The following NLGN1 variants were observed in gnomAD, a reference collection of about 807,000 sequenced individuals.
NLGN1 encodes the protein neuroligin 1.
Under a neutral mutation model 65.5 loss-of-function variants are expected in NLGN1, and 12 were observed. The ratio of observed to expected loss-of-function variants is 0.18; its 90% CI spans 0.12 to 0.30. NLGN1 has a LOEUF of 0.30. NLGN1 is among the 10% of genes least tolerant of loss of function. The pLI, the probability that NLGN1 is intolerant of heterozygous loss-of-function variation, is 1.00. For synonymous variants in NLGN1, 350 were observed against 359.5 expected (o/e 0.97, Z 0.30); for missense variants, 750 against 1,007.1 (o/e 0.74, Z 3.46).
intron 4 of NLGN1, among the ~76,000 whole-genome samples, chr3:173,951,740 C>T (rs1748256209): frequency 1.3e-5 from 2 of 152,142 alleles, no homozygotes; most frequent in African/African-American, 4.8e-5. Context: ...GGATTACAGC[C>T]ATGAGCCACT....
chr3:173,399,077 T>C (rs1386507974), intron 1 of NLGN1, among the ~76,000 whole-genome samples: 2 of 152,246 alleles, frequency 1.3e-5, no homozygotes, highest in Non-Finnish European at 2.9e-5. Context: ...ATTTAAAATA[T>C]TAAATGTTAA....
At chr3:174,152,583 C>T (rs1411685728) in intron 4 of NLGN1, among the ~76,000 whole-genome samples, 1 of 151,862 alleles carries the variant, frequency 6.6e-6, no homozygotes, top group African/African-American at 2.4e-5. Flanking sequence ...CAACATGGCA[C>T]ATGTATACAT....
intron 3 of NLGN1, among the ~76,000 whole-genome samples, chr3:173,638,792 T>C (rs1292163520): frequency 6.6e-6 from 1 of 152,218 alleles, no homozygotes; most frequent in East Asian, 1.9e-4. Context: ...AAGTTCATTG[T>C]GAGATGTGTC....
At chr3:173,464,545 C>T (rs1723984245) in intron 2 of NLGN1, among the ~76,000 whole-genome samples, 2 of 151,212 alleles carry the variant, frequency 1.3e-5, no homozygotes, top group South Asian at 4.2e-4. Context: ...AAGCGATTCT[C>T]CTGCCTTGGC....
At chr3:173,933,201 A>C (rs543657885) in intron 4 of NLGN1, among the ~76,000 whole-genome samples, 1 of 152,176 alleles carries the variant, frequency 6.6e-6, no homozygotes, top group Non-Finnish European at 1.5e-5. Context: ...CAAACAAACT[A>C]TTCAGAAGGG....
chr3:173,847,570 G>T (rs1252060010), intron 4 of NLGN1, among the ~76,000 whole-genome samples: 2 of 152,064 alleles, frequency 1.3e-5, no homozygotes, highest in Non-Finnish European at 2.9e-5. Flanking sequence ...TTAAAAATTT[G>T]TTTTCATTAT....
chr3:174,236,971 A>G (rs1472053116), intron 4 of NLGN1, among the ~76,000 whole-genome samples: 1 of 152,104 alleles, frequency 6.6e-6, no homozygotes, highest in African/African-American at 2.4e-5. Flanking sequence ...TCATTAATCT[A>G]CTATTTATTG....
intron 4 of NLGN1, among the ~76,000 whole-genome samples, chr3:173,989,927 T>G (rs2152409588): frequency 6.6e-6 from 1 of 152,206 alleles, no homozygotes; most frequent in South Asian, 2.1e-4. Flanking sequence ...CTTCCCAGTT[T>G]ACTTCTCTGT....
chr3:173,926,845 C>A (rs574711868), intron 4 of NLGN1, among the ~76,000 whole-genome samples: 1 of 152,244 alleles, frequency 6.6e-6, no homozygotes, highest in East Asian at 1.9e-4. Context: ...GTTAACCATA[C>A]CTTTAGGCAA....
intron 4 of NLGN1, among the ~76,000 whole-genome samples, chr3:173,924,447 G>A (rs1227725117): frequency 6.6e-6 from 1 of 151,878 alleles, no homozygotes; most frequent in Non-Finnish European, 1.5e-5. Context: ...ATTTTGTAAT[G>A]TATGATAGTA....
intron 4 of NLGN1, among the ~76,000 whole-genome samples, chr3:173,907,582 CTTTTTT>C (rs561283815): frequency 1.1e-4 from 13 of 120,720 alleles, no homozygotes; most frequent in Admixed American, 3.7e-4. Flanking sequence ...CTCTCTCTCT[CTTTTTT>C]TTTTTTTTTT....
chr3:174,048,571 A>G (rs1261390542), intron 4 of NLGN1, among the ~76,000 whole-genome samples: 1 of 152,012 alleles, frequency 6.6e-6, no homozygotes, highest in Non-Finnish European at 1.5e-5. Context: ...ATCAAAGATT[A>G]GAGATATGAA....
Position 173,488,376 on chromosome 3 carries a change from C to A in NLGN1, c.-321+53298C>A, listed in dbSNP as rs9816388. Among the ~76,000 whole-genome samples, 1,372 of 151,962 alleles carry A rather than the reference C, an allele frequency of 9.0e-3. 23 individuals are homozygous for A. The highest frequency in any genetic ancestry group is 0.032 in the African/African-American group (1,322 of 41,468). ...GTGGACATATTTTTCTATGTATTTG[C>A]CAGCCATTATTTTTTATTTTCCCCC... is the stretch of plus-strand genomic sequence containing the variant. On this transcript the variant is annotated intron_variant, in intron 2 of 6. Coordinates refer to ENST00000457714, the Ensembl canonical transcript of NLGN1.
chr3:173,926,070 A>G (rs562482814), intron 4 of NLGN1, among the ~76,000 whole-genome samples: 3 of 152,118 alleles, frequency 2.0e-5, no homozygotes, highest in Non-Finnish European at 4.4e-5. Flanking sequence ...CTATTTTTAA[A>G]AAAATTCAGT....
chr3:173,853,997 A>G (rs562986904), intron 4 of NLGN1, among the ~76,000 whole-genome samples: 1 of 152,156 alleles, frequency 6.6e-6, no homozygotes, highest in Non-Finnish European at 1.5e-5. Context: ...TAAAAATACT[A>G]TACCTTTAAC....
intron 4 of NLGN1, among the ~76,000 whole-genome samples, chr3:173,917,872 G>GTGTGTGTGTTA (rs1741068581): frequency 1.0e-5 from 1 of 99,288 alleles, no homozygotes; most frequent in East Asian, 3.3e-4. Flanking sequence ...TGTGTGTGTT[G>GTGTGTGTGTTA]GCCTTTATCT....
chr3:174,178,849 G>A (rs140565255), intron 4 of NLGN1, among the ~76,000 whole-genome samples: 2 of 152,118 alleles, frequency 1.3e-5, no homozygotes, highest in Admixed American at 1.3e-4. Context: ...CTTCATTACT[G>A]AAGTAGATAA....
At chr3:174,265,425 T>G (rs998453147) in intron 4 of NLGN1, among the ~76,000 whole-genome samples, 3 of 152,170 alleles carry the variant, frequency 2.0e-5, no homozygotes, top group Non-Finnish European at 4.4e-5. Context: ...AATATTCGGA[T>G]GGGAGTGACC....
chr3:173,488,150 T>C (rs1728464928), intron 2 of NLGN1, among the ~76,000 whole-genome samples: 1 of 152,020 alleles, frequency 6.6e-6, no homozygotes, highest in Non-Finnish European at 1.5e-5. Context: ...GCCAAAATAA[T>C]GCTTAACATT....
Sources: allele counts gnomAD v4.1 joint callset (sites outside exome capture counted in the v4.1 genomes callset), GRCh38; gene constraint gnomAD v4.1.1; transcripts MANE v1.5; gene names NCBI Gene and HGNC (gene_info 2026-07-23, HGNC 2026-07-21).